The following DPP6 variants were observed in gnomAD, a reference collection of about 807,000 sequenced individuals.
The protein encoded by DPP6 is dipeptidyl peptidase like 6, also known as A-type potassium channel modulatory protein DPP6.
In DPP6, 69 loss-of-function variants were observed where a neutral mutation model predicts 122.6. The observed-to-expected ratio is 0.56, with a 90% CI of 0.46 to 0.69. The LOEUF is 0.69. DPP6 is among the 30% of genes least tolerant of loss of function. The pLI is 0.00. For missense variants in DPP6, 928 were observed against 1,116.9 expected (o/e 0.83, Z 2.41); for synonymous variants, 418 against 433.1 (o/e 0.97, Z 0.43).
chr7:153,977,929 A>G (rs1297897714), intron 1 of DPP6, among the ~76,000 whole-genome samples: 1 of 152,068 alleles, frequency 6.6e-6, no homozygotes, highest in African/African-American at 2.4e-5. Flanking sequence ...TATATGTGCC[A>G]CATTTTCTTT....
chr7:154,688,516 AG>A (rs1381851919), intron 7 of DPP6, among the ~76,000 whole-genome samples: 3 of 152,162 alleles, frequency 2.0e-5, no homozygotes, highest in Non-Finnish European at 4.4e-5. Context: ...AATTAGTTAG[AG>A]GGACAGAACT....
chr7:154,307,140 A>G (rs1018496318), intron 1 of DPP6, among the ~76,000 whole-genome samples: 4 of 152,182 alleles, frequency 2.6e-5, no homozygotes, highest in Non-Finnish European at 5.9e-5. Context: ...AATCTGTGTT[A>G]TGTAAAAGAA....
intron 8 of DPP6, among the ~76,000 whole-genome samples, chr7:154,736,299 A>G (rs1033013415): frequency 6.6e-6 from 1 of 152,208 alleles, no homozygotes; most frequent in African/African-American, 2.4e-5. Context: ...AGTCTGGGTA[A>G]TAGAGTCAGG....
intron 1 of DPP6, chr7:154,058,355 C>G (rs35001207): frequency 0.59 from 73,483 of 123,836 alleles, 19,543 homozygotes; most frequent in Admixed American, 0.63. Context: ...GGACTGAGAG[C>G]CAGTCCCTCT....
intron 7 of DPP6, among the ~76,000 whole-genome samples, chr7:154,673,250 T>C (rs1473932257): frequency 6.6e-6 from 1 of 152,206 alleles, no homozygotes; most frequent in Non-Finnish European, 1.5e-5. Context: ...AATTCTCCTT[T>C]GGGAGCAGAG....
the DPP6 span, among the ~76,000 whole-genome samples, chr7:153,815,929 G>A: frequency 4.3e-4 from 66 of 152,198 alleles, no homozygotes; most frequent in African/African-American, 1.6e-3. Context: ...AATAAGGAAT[G>A]GCCAATGTTT....
the DPP6 span, among the ~76,000 whole-genome samples, chr7:153,862,126 T>C: frequency 3.9e-5 from 6 of 152,152 alleles, no homozygotes; most frequent in Non-Finnish European, 8.8e-5. Flanking sequence ...CCATTTGGAC[T>C]TCAGAAAAGC....
At chr7:153,915,238 T>G (rs1165848587) in intron 1 of DPP6, among the ~76,000 whole-genome samples, 1 of 152,154 alleles carries the variant, frequency 6.6e-6, no homozygotes, top group African/African-American at 2.4e-5. Context: ...GTGACTCTAC[T>G]GTGTAGCAGA....
chr7:154,753,091 C>T (rs1843477901), intron 8 of DPP6, among the ~76,000 whole-genome samples: 1 of 151,816 alleles, frequency 6.6e-6, no homozygotes, highest in Non-Finnish European at 1.5e-5. Context: ...TGGACACAGT[C>T]TAATTCCCTT....
At chr7:154,148,966 G>A (rs1177839235) in intron 1 of DPP6, among the ~76,000 whole-genome samples, 1 of 146,490 alleles carries the variant, frequency 6.8e-6, no homozygotes, top group East Asian at 1.9e-4. Flanking sequence ...ACATTGACAC[G>A]AGGATGCCTG....
rs76285040 is a variant in DPP6 at position 153,933,703 on chromosome 7, T to A, written c.51+45969T>A. Reference sequence around the variant, plus strand: ...CACATTCTCTCTCTCTCTCTCTCTCTCTCACACACACACACCTGCATAGAA... The same window carrying A: ...CACATTCTCTCTCTCTCTCTCTCTCACTCACACACACACACCTGCATAGAA... On this transcript the variant is annotated intron_variant, in intron 1 of 25. Transcript: ENST00000404039. Among the ~76,000 whole-genome samples, 315 of 135,958 alleles carry A rather than the reference T, an allele frequency of 2.3e-3. 2 individuals carry two copies. Among genetic ancestry groups the A allele is most frequent in the African/African-American group, 7.7e-3 (272 of 35,350 alleles). 89.2% of individuals were successfully genotyped at this position (135,958 alleles called of 152,430 possible).
chr7:153,757,313 T>C, the DPP6 span, among the ~76,000 whole-genome samples: 11 of 152,342 alleles, frequency 7.2e-5, no homozygotes, highest in African/African-American at 2.2e-4. Flanking sequence ...TGAGACATTT[T>C]AAAATTACAT....
intron 5 of DPP6, among the ~76,000 whole-genome samples, chr7:154,629,437 C>T (rs1193827796): frequency 6.6e-6 from 1 of 151,910 alleles, no homozygotes; most frequent in Non-Finnish European, 1.5e-5. Context: ...CTAAATCTCA[C>T]TTTCTTTTCT....
chr7:154,321,948 C>T (rs1050805642), intron 1 of DPP6, among the ~76,000 whole-genome samples: 3 of 152,052 alleles, frequency 2.0e-5, no homozygotes, highest in Non-Finnish European at 1.5e-5. Context: ...TGAAAACCCC[C>T]GCCAGCGAAG....
At chr7:154,869,278 G>A (rs962652256) in intron 18 of DPP6, among the ~76,000 whole-genome samples, 5 of 152,178 alleles carry the variant, frequency 3.3e-5, no homozygotes, top group African/African-American at 1.2e-4. Context: ...GCAGCTTAGA[G>A]GAGACACAAT....
Position 154,062,763 on chromosome 7 carries a change from G to C in DPP6, c.243+9700G>C, listed in dbSNP as rs1163986631. On this transcript the variant is annotated intron_variant, in intron 1 of 25. Transcript: ENST00000377770. ...GCACCCTCCGCGAGGCAGGGACTGA[G>C]AGCCAACCCCTGGTTCCCCCACTGG... 1.0e-3 allele frequency among the ~76,000 whole-genome samples: 58 copies of C among 55,942 alleles called. 1 individual carries two copies. The highest frequency in any genetic ancestry group is 1.6e-3 in the South Asian group (2 of 1,226). The allele number at this position is 55,942 out of a possible 152,430, so 36.7% of individuals were successfully genotyped here.
chr7:153,755,725 T>A, the DPP6 span, among the ~76,000 whole-genome samples: 1 of 152,076 alleles, frequency 6.6e-6, no homozygotes, highest in African/African-American at 2.4e-5. Context: ...AGAATTTCCC[T>A]CCTGGATTTT....
intron 1 of DPP6, among the ~76,000 whole-genome samples, chr7:154,194,607 G>A (rs1015949670): frequency 6.6e-6 from 1 of 152,158 alleles, no homozygotes; most frequent in Non-Finnish European, 1.5e-5. Flanking sequence ...TTCCTAGAAC[G>A]ATACATAAAT....
chr7:154,778,416 C>T (rs62473872), intron 10 of DPP6, among the ~76,000 whole-genome samples: 4 of 152,046 alleles, frequency 2.6e-5, no homozygotes, highest in Non-Finnish European at 5.9e-5. Flanking sequence ...TCCATGCTGA[C>T]CCTGATGCGA....
Sources: allele counts gnomAD v4.1 joint callset (sites outside exome capture counted in the v4.1 genomes callset), GRCh38; gene constraint gnomAD v4.1.1; transcripts MANE v1.5; gene names NCBI Gene and HGNC (gene_info 2026-07-23, HGNC 2026-07-21).